DDX31: variants seen among roughly 807,000 people sequenced by gnomAD.
DDX31 encodes ATP-dependent DNA helicase DDX31.
A neutral mutation model predicts 91.3 loss-of-function variants in DDX31; 70 were observed. The ratio of observed to expected loss-of-function variants is 0.77; its 90% CI spans 0.63 to 0.94. DDX31 has a LOEUF of 0.94. DDX31 is among the 40% of genes least tolerant of loss of function. The probability of loss-of-function intolerance (pLI) is 0.00; values close to 1 mark genes in which losing one functional copy is unlikely to be tolerated. For missense variants in DDX31, 902 were observed against 925.0 expected (o/e 0.98, Z 0.32); for synonymous variants, 362 against 350.6 (o/e 1.03, Z -0.36).
intron 13 of DDX31, among the ~76,000 whole-genome samples, chr9:132,643,922 G>GAA (rs533855919): frequency 7.0e-6 from 1 of 142,198 alleles, no homozygotes; most frequent in East Asian, 2.0e-4. Flanking sequence ...TTTGGGGTAA[G>GAA]AAAAAAAAAA....
At chr9:132,663,479 G>C (rs1395295156) in intron 1 of DDX31, 1 of 985,260 alleles carries the variant, frequency 1.0e-6, no homozygotes, top group Non-Finnish European at 1.2e-6. Flanking sequence ...TTCCATTACA[G>C]GAATGTGCTT....
chr9:132,598,751 C>T (rs1830574744), intron 19 of DDX31, among the ~76,000 whole-genome samples: 1 of 152,186 alleles, frequency 6.6e-6, no homozygotes, highest in Non-Finnish European at 1.5e-5. Flanking sequence ...ACCGTTAAGG[C>T]TATCAATAGT....
chr9:132,605,643 C>T (rs1830971196), intron 19 of DDX31, among the ~76,000 whole-genome samples: 1 of 152,178 alleles, frequency 6.6e-6, no homozygotes, highest in Non-Finnish European at 1.5e-5. Context: ...CACAACAGAC[C>T]AGGGCCAGGG....
intron 1 of DDX31, among the ~76,000 whole-genome samples, chr9:132,666,916 T>C (rs1004420960): frequency 9.9e-5 from 15 of 152,102 alleles, no homozygotes; most frequent in African/African-American, 3.6e-4. Context: ...GGTTTCACTG[T>C]GTTAGCCAGG....
intron 6 of DDX31, among the ~76,000 whole-genome samples, chr9:132,657,082 TAC>T (rs1834615796): frequency 6.6e-6 from 1 of 152,256 alleles, no homozygotes; most frequent in Non-Finnish European, 1.5e-5. Context: ...GGTCACACTA[TAC>T]ACATCATTTT....
intron 19 of DDX31, among the ~76,000 whole-genome samples, chr9:132,600,352 T>C (rs976853378): frequency 6.6e-6 from 1 of 152,064 alleles, no homozygotes; most frequent in Non-Finnish European, 1.5e-5. Flanking sequence ...TCGGCTCCAG[T>C]TGAGTCCTGC....
At chr9:132,646,754 C>G (rs1833863342) in intron 12 of DDX31, 69 bp downstream of exon 12, 1 of 1,501,700 alleles carries the variant, frequency 6.7e-7, no homozygotes, top group Non-Finnish European at 9.2e-7. Context: ...CTCATTGCTC[C>G]CAATGGCTTA....
At chr9:132,650,611 T>C (rs1375231318) in intron 8 of DDX31, among the ~76,000 whole-genome samples, 1 of 152,216 alleles carries the variant, frequency 6.6e-6, no homozygotes, top group Non-Finnish European at 1.5e-5. Flanking sequence ...GTAAGTCTAC[T>C]GCCATTTTTG....
At chr9:132,668,306 G>A (rs1042031772) in intron 1 of DDX31, among the ~76,000 whole-genome samples, 11 of 152,086 alleles carry the variant, frequency 7.2e-5, no homozygotes, top group African/African-American at 2.7e-4. Context: ...CTAGCAATGG[G>A]ATTATATCAA....
intron 14 of DDX31, 48 bp from the exon 15 acceptor site, chr9:132,632,139 T>C (rs1832600932): frequency 6.4e-7 from 1 of 1,567,250 alleles, no homozygotes; most frequent in Admixed American, 1.8e-5. Flanking sequence ...TCTGAACCTT[T>C]CTGGGGTCCT....
chr9:132,603,318 A>C (rs915325576), intron 19 of DDX31, among the ~76,000 whole-genome samples: 2 of 152,256 alleles, frequency 1.3e-5, no homozygotes, highest in African/African-American at 4.8e-5. Flanking sequence ...ACCAACGTGG[A>C]GATATCTGAA....
rs1442179329 is a variant in DDX31, at chr9:132,659,725, A to G, written c.508T>C (p.Ser170Pro). The change falls in exon 5 of 20, where the codon TCC becomes CCC. Residue 170 changes from serine to proline, a missense_variant. Ser to Pro is a moderately conservative substitution (Grantham distance 74). Coordinates refer to ENST00000372159, the MANE Select transcript of DDX31 (RefSeq NM_022779.9). ...TGAGACTAACCTGAGCCCGTCTGGG[A>G]TCTCACGAGAGCATCTCTGCCTTCC... ...LLEGRDALVR[S>P]QTGSGKTLAY... The G allele has an allele frequency of 1.9e-6, 3 of 1,611,670 alleles. No homozygotes were observed. Among genetic ancestry groups the G allele is most frequent in the Non-Finnish European group, 2.5e-6 (3 of 1,178,848 alleles).
intron 9 of DDX31, among the ~76,000 whole-genome samples, chr9:132,649,594 GTTA>G (rs1376460442): frequency 3.9e-5 from 6 of 152,112 alleles, no homozygotes; most frequent in Admixed American, 3.9e-4. Context: ...ACTGTTATTT[GTTA>G]TTATTGTTGT....
chr9:132,641,149 G>C (rs903167082), intron 14 of DDX31, among the ~76,000 whole-genome samples: 1 of 152,170 alleles, frequency 6.6e-6, no homozygotes, highest in Non-Finnish European at 1.5e-5. Context: ...AGACAGAAAA[G>C]TCTCCATTGC....
chr9:132,664,818 G>C lies in DDX31; in HGVS notation c.76-2123C>G, dbSNP rs145921613. Among the ~76,000 whole-genome samples, 599 of 151,854 alleles carry C rather than the reference G, an allele frequency of 3.9e-3. 2 individuals are homozygous for C. The highest frequency in any genetic ancestry group is 5.7e-3 in the Non-Finnish European group (390 of 67,986). On this transcript the variant is annotated intron_variant, in intron 1 of 19. Coordinates refer to ENST00000372159, the MANE Select transcript of DDX31 (RefSeq NM_022779.9). ...TTCAGCTTTACTCTCTGCCACTCGGGTCTTCCTTCAGTTCCTAGAATGTGC... is the reference window on the plus strand; with the variant it reads ...TTCAGCTTTACTCTCTGCCACTCGGCTCTTCCTTCAGTTCCTAGAATGTGC...
intron 1 of DDX31, 170 bp downstream of exon 1, chr9:132,669,690 G>A: frequency 6.5e-7 from 1 of 1,533,750 alleles, no homozygotes; most frequent in Non-Finnish European, 8.7e-7. Flanking sequence ...GTGGTGTTCC[G>A]GTTAGAGACA....
Position 132,618,255 on chromosome 9 carries a change from G to T in DDX31, c.1825+75C>A, listed in dbSNP as rs1831768823. Reference sequence around the variant, plus strand: ...CATGTTGGCCTCTCAACCGGTTTGGGGGTATGTGGGTGAAGGTGGGGGAGA... The same window carrying T: ...CATGTTGGCCTCTCAACCGGTTTGGTGGTATGTGGGTGAAGGTGGGGGAGA... On this transcript the variant is annotated intron_variant, in intron 18 of 19. Coordinates refer to ENST00000372159, the MANE Select transcript of DDX31 (RefSeq NM_022779.9). The T allele has an allele frequency of 7.0e-6, 9 of 1,290,794 alleles. No individual in the cohort carries two copies. In the East Asian group the frequency reaches 2.0e-4, roughly 29 times the overall value. 80.0% of individuals were successfully genotyped at this position (1,290,794 alleles called of 1,614,324 possible).
chr9:132,594,971 C>G lies in DDX31; in HGVS notation c.2136G>C (p.Gln712His). 6.2e-7 allele frequency: 1 copy of G among 1,614,202 alleles called. No homozygotes were observed. The highest frequency in any genetic ancestry group is 8.5e-7 in the Non-Finnish European group (1 of 1,180,040). The change falls in exon 20 of 20, where the codon CAG becomes CAC. Residue 712 changes from glutamine (Q) to histidine (H), a missense_variant. By Grantham distance (24) the Gln-to-His change is conservative. Transcript: ENST00000372159. The part of the protein sequence containing the change: ...APGEPGGRPL[Q>H]HSLQPTPCFG... ...AGCAGGGTGTCGGCTGCAGACTGTG[C>G]TGCAGGGGCCGGCCACCAGGCTCTC...
chr9:132,624,526 TAC>T (rs1564297004), intron 17 of DDX31, among the ~76,000 whole-genome samples: 1 of 152,236 alleles, frequency 6.6e-6, no homozygotes, highest in East Asian at 1.9e-4. Context: ...CATATTGGTA[TAC>T]AGTTAAATAT....
Sources: allele counts gnomAD v4.1 joint callset (sites outside exome capture counted in the v4.1 genomes callset), GRCh38; gene constraint gnomAD v4.1.1; transcripts MANE v1.5; gene names NCBI Gene and HGNC (gene_info 2026-07-23, HGNC 2026-07-21).